TTLL6: variants seen among roughly 807,000 people sequenced by gnomAD.
TTLL6 encodes the protein tubulin polyglutamylase TTLL6.
Under a neutral mutation model 96.4 loss-of-function variants are expected in TTLL6, and 75 were observed. The observed-to-expected ratio is 0.78, with a 90% CI of 0.65 to 0.94. The LOEUF (loss-of-function observed/expected upper bound fraction) is 0.94, where lower values mean the gene tolerates loss of function less well. Among genes scored for constraint, TTLL6 ranks in the 40% least tolerant of loss-of-function variants. TTLL6 has a pLI of 0.00. For synonymous variants in TTLL6, 411 were observed against 419.4 expected (o/e 0.98, Z 0.24); for missense variants, 1,030 against 1,093.0 (o/e 0.94, Z 0.81).
intron 14 of TTLL6, 123 bp downstream of exon 14, chr17:48,769,605 T>C: frequency 8.1e-7 from 1 of 1,230,086 alleles, no homozygotes; most frequent in Non-Finnish European, 1.1e-6. Context: ...AGACTGGGGT[T>C]TCCCTGAAGA....
At chr17:48,811,670 A>ACTT (rs756183025) in intron 1 of TTLL6, among the ~76,000 whole-genome samples, 1 of 147,804 alleles carries the variant, frequency 6.8e-6, no homozygotes. Context: ...AACAAAAGCT[A>ACTT]CTTCCACCAG....
At position 48,785,030 on chromosome 17, in the gene TTLL6, G is replaced by T. The variant is rs74461472; in HGVS notation, c.1933C>A (p.Leu645Met). ...GAGCTGCTGAGATTGATATTCCTCA[G>T]ATCGGGTAGAGAACTGAAGGGCTTC... ...SAKPFSSLPD[L>M]RNINLSSSKL... Residue 645 changes from leucine (L) to methionine (M), a missense_variant, in exon 13 of 16, where the codon CTG becomes ATG. Transcript: ENST00000393382. 1,758 of 1,614,196 alleles carry T rather than the reference G, an allele frequency of 1.1e-3. 23 individuals carry two copies. In the African/African-American group the frequency reaches 0.02, roughly 19 times the overall value.
intron 13 of TTLL6, among the ~76,000 whole-genome samples, chr17:48,783,450 T>A (rs374858260): frequency 7.5e-6 from 1 of 133,634 alleles, no homozygotes; most frequent in South Asian, 2.4e-4. Context: ...TTTTTTTTTT[T>A]AGATAGAGTC....
chr17:48,783,921 T>C (rs2039037303), intron 13 of TTLL6, among the ~76,000 whole-genome samples: 1 of 152,142 alleles, frequency 6.6e-6, no homozygotes. Context: ...TCAACAGAGT[T>C]TGAGAAATAC....
At chr17:48,804,198 A>C in intron 2 of TTLL6, 1 of 570,160 alleles carries the variant, frequency 1.8e-6, no homozygotes, top group Non-Finnish European at 3.2e-6. Flanking sequence ...CTTCTCACTA[A>C]CATCATTGCC....
intron 1 of TTLL6, among the ~76,000 whole-genome samples, chr17:48,808,972 G>A (rs2039543612): frequency 2.0e-5 from 3 of 152,134 alleles, no homozygotes; most frequent in South Asian, 4.1e-4. Context: ...TCCAAATTTG[G>A]TGGTGTGGAG....
intron 8 of TTLL6, among the ~76,000 whole-genome samples, chr17:48,794,804 T>C (rs1045571529): frequency 4.6e-5 from 7 of 152,198 alleles, no homozygotes; most frequent in Admixed American, 3.3e-4. Flanking sequence ...ACTAATTGCC[T>C]GTTCAGAGGT....
chr17:48,806,448 T>C (rs2039506774), intron 1 of TTLL6, among the ~76,000 whole-genome samples: 1 of 152,050 alleles, frequency 6.6e-6, no homozygotes, highest in Non-Finnish European at 1.5e-5. Flanking sequence ...AGAGCCAATT[T>C]TCTGGTGCTT....
intron 6 of TTLL6, among the ~76,000 whole-genome samples, chr17:48,798,426 G>T (rs547191041): frequency 6.6e-6 from 1 of 152,230 alleles, no homozygotes; most frequent in South Asian, 2.1e-4. Context: ...AATTAGCCGG[G>T]TGTGCTGGTG....
At chr17:48,775,359 A>G (rs2038849044) in intron 13 of TTLL6, among the ~76,000 whole-genome samples, 1 of 151,954 alleles carries the variant, frequency 6.6e-6, no homozygotes, top group Admixed American at 6.6e-5. Flanking sequence ...TGTATTAAAA[A>G]ATATACAATG....
chr17:48,812,964 C>T (rs2039616285), intron 1 of TTLL6, among the ~76,000 whole-genome samples: 1 of 152,160 alleles, frequency 6.6e-6, no homozygotes, highest in South Asian at 2.1e-4. Context: ...ATTGAAAACC[C>T]ACTTACCAAG....
chr17:48,766,106 C>T (rs6504566), intron 15 of TTLL6, among the ~76,000 whole-genome samples: 4,521 of 152,204 alleles, frequency 0.03, 212 homozygotes, highest in African/African-American at 0.1. Context: ...AGGTATTCAC[C>T]AAGATTCAAC....
At chr17:48,789,479 G>A (rs188494488) in intron 10 of TTLL6, among the ~76,000 whole-genome samples, 1 of 152,244 alleles carries the variant, frequency 6.6e-6, no homozygotes, top group African/African-American at 2.4e-5. Flanking sequence ...AAAGATCACT[G>A]AGGCTCAGAG....
intron 8 of TTLL6, among the ~76,000 whole-genome samples, chr17:48,795,329 GAAA>G (rs796848295): frequency 1.4e-5 from 1 of 73,410 alleles, no homozygotes. Context: ...AGTCTCAAAA[GAAA>G]AAAAAAAAAA....
intron 10 of TTLL6, among the ~76,000 whole-genome samples, chr17:48,788,691 T>C (rs1418325009): frequency 1.3e-5 from 2 of 152,120 alleles, no homozygotes; most frequent in Non-Finnish European, 2.9e-5. Context: ...AGAGCTGTCA[T>C]TTACCAGCAG....
Position 48,790,081 on chromosome 17 carries a change from G to A in TTLL6, c.1250C>T (p.Thr417Ile). The change falls in exon 10 of 16, where the codon ACC (threonine) becomes ATC (isoleucine). Residue 417 changes from threonine (T) to isoleucine (I), a missense_variant. Coordinates refer to ENST00000393382, the MANE Select transcript of TTLL6 (RefSeq NM_001130918.3). ...LEVNHSPSFS[T>I]DSRLDKEVKD... ...CACCTCTTTATCCAACCGAGAGTCGGTGGAGAAGCTTGGAGAGTGGTTGAC... is the reference window on the plus strand; with the variant it reads ...CACCTCTTTATCCAACCGAGAGTCGATGGAGAAGCTTGGAGAGTGGTTGAC... 1 of 1,614,020 alleles carries A rather than the reference G, an allele frequency of 6.2e-7. No homozygotes were observed. The highest frequency in any genetic ancestry group is 1.1e-5 in the South Asian group (1 of 91,016).
chr17:48,769,615 A>G, intron 14 of TTLL6, 113 bp downstream of exon 14: 1 of 1,324,534 alleles, frequency 7.5e-7, no homozygotes, highest in Non-Finnish European at 1.0e-6. Context: ...TTCCCTGAAG[A>G]CAGGGGCTGT....
At chr17:48,774,230 G>GTTTC (rs753077737) in intron 13 of TTLL6, among the ~76,000 whole-genome samples, 1 of 117,742 alleles carries the variant, frequency 8.5e-6, no homozygotes, top group African/African-American at 3.1e-5. Context: ...ATCCAGGTTT[G>GTTTC]TTGTTTTTTT....
intron 13 of TTLL6, among the ~76,000 whole-genome samples, chr17:48,774,353 G>A (rs920747503): frequency 4.0e-5 from 6 of 149,836 alleles, no homozygotes; most frequent in Non-Finnish European, 7.4e-5. Flanking sequence ...TAGTAGAGAC[G>A]GGGTTTCACC....
Sources: allele counts gnomAD v4.1 joint callset (sites outside exome capture counted in the v4.1 genomes callset), GRCh38; gene constraint gnomAD v4.1.1; transcripts MANE v1.5; gene names NCBI Gene and HGNC (gene_info 2026-07-23, HGNC 2026-07-21).